Variants in RASGRF2 observed in about 807,000 individuals in gnomAD.
The protein encoded by RASGRF2 is Ras protein specific guanine nucleotide releasing factor 2.
A neutral mutation model predicts 151.0 loss-of-function variants in RASGRF2; 76 were observed. The observed-to-expected ratio is 0.50, with a 90% CI of 0.42 to 0.61. RASGRF2 has a LOEUF of 0.61. RASGRF2 is among the 20% of genes least tolerant of loss of function. The pLI is 0.00. For synonymous variants in RASGRF2, 504 were observed against 566.5 expected (o/e 0.89, Z 1.57); for missense variants, 1,148 against 1,564.6 (o/e 0.73, Z 4.49).
At chr5:81,116,095 T>TTTTTTG (rs1561214535) in intron 15 of RASGRF2, among the ~76,000 whole-genome samples, 2 of 122,212 alleles carry the variant, frequency 1.6e-5, no homozygotes, top group Non-Finnish European at 3.3e-5. Flanking sequence ...TTTTTTTTTT[T>TTTTTTG]TTTTTGAGAT....
intron 1 of RASGRF2, among the ~76,000 whole-genome samples, chr5:80,992,543 C>T (rs770598266): frequency 6.6e-6 from 1 of 152,104 alleles, no homozygotes; most frequent in Non-Finnish European, 1.5e-5. Context: ...AGGGAAGAAA[C>T]TCTCTGACAA....
chr5:81,035,532 A>G (rs1400792755), intron 1 of RASGRF2, among the ~76,000 whole-genome samples: 1 of 152,130 alleles, frequency 6.6e-6, no homozygotes, highest in African/African-American at 2.4e-5. Flanking sequence ...TAATGGGTGC[A>G]GCACACCAAC....
At chr5:81,183,973 G>A (rs1754972651) in intron 18 of RASGRF2, among the ~76,000 whole-genome samples, 1 of 152,224 alleles carries the variant, frequency 6.6e-6, no homozygotes, top group Non-Finnish European at 1.5e-5. Flanking sequence ...CAGCCTGTAA[G>A]CTCCTTGCTT....
chr5:81,168,309 C>CTCT (rs368713812), intron 17 of RASGRF2, among the ~76,000 whole-genome samples: 3,430 of 115,956 alleles, frequency 0.03, 97 homozygotes, highest in African/African-American at 0.067. Context: ...TTTTTCTTCT[C>CTCT]TTTTTTTTTT....
At chr5:81,101,006 G>A (rs1040319776) in intron 12 of RASGRF2, among the ~76,000 whole-genome samples, 10 of 152,260 alleles carry the variant, frequency 6.6e-5, no homozygotes, top group Admixed American at 4.6e-4. Flanking sequence ...CTTGTCCAAA[G>A]ACCAGCTGCT....
intron 1 of RASGRF2, among the ~76,000 whole-genome samples, chr5:80,967,074 T>TA (rs1252950029): frequency 7.2e-5 from 11 of 152,122 alleles, no homozygotes; most frequent in South Asian, 2.1e-4. Flanking sequence ...TAAAATGATG[T>TA]AAAAAAAGCA....
At chr5:81,149,566 C>T (rs574061953) in intron 17 of RASGRF2, among the ~76,000 whole-genome samples, 24 of 152,050 alleles carry the variant, frequency 1.6e-4, no homozygotes, top group Non-Finnish European at 2.8e-4. Flanking sequence ...TCTCAGAAAT[C>T]ACCACTAAAT....
At chr5:80,968,159 T>C (rs1747782442) in intron 1 of RASGRF2, among the ~76,000 whole-genome samples, 1 of 152,274 alleles carries the variant, frequency 6.6e-6, no homozygotes, top group Non-Finnish European at 1.5e-5. Context: ...AGCTAGCATT[T>C]TTATTACTCT....
intron 17 of RASGRF2, among the ~76,000 whole-genome samples, chr5:81,151,940 G>A (rs1391227952): frequency 1.2e-4 from 18 of 152,064 alleles, no homozygotes; most frequent in Admixed American, 1.1e-3. Context: ...TTGCAGTACT[G>A]GGTTTTTCCA....
intron 17 of RASGRF2, among the ~76,000 whole-genome samples, chr5:81,128,999 C>T (rs958236616): frequency 6.6e-5 from 10 of 151,944 alleles, no homozygotes; most frequent in African/African-American, 1.4e-4. Flanking sequence ...ATCAGCTGGG[C>T]GTGGTGGCGC....
chr5:81,221,984 C>G (rs1463771978), intron 26 of RASGRF2, among the ~76,000 whole-genome samples: 1 of 152,190 alleles, frequency 6.6e-6, no homozygotes. Flanking sequence ...GAGCAACACG[C>G]TGACTCTGGA....
intron 25 of RASGRF2, 103 bp downstream of exon 25, chr5:81,217,576 T>TTCC: frequency 2.5e-6 from 1 of 401,508 alleles, no homozygotes; most frequent in South Asian, 6.4e-5. Context: ...TTTCTCTTCT[T>TTCC]TTTTTTTTTT....
Position 81,208,714 on chromosome 5 carries a change from G to C in RASGRF2, c.3156+276G>C, listed in dbSNP as rs369394267. Among the ~76,000 whole-genome samples the C allele has an allele frequency of 3.4e-4, 52 of 152,012 alleles. No individual in the cohort carries two copies. The East Asian group carries it at 7.6e-3, about 22-fold the overall frequency. ...TTACAGGTGCATGCCATCATGCCTGGCTAATATTTTTGTATTTTTAGTAAA... is the reference window on the plus strand; with the variant it reads ...TTACAGGTGCATGCCATCATGCCTGCCTAATATTTTTGTATTTTTAGTAAA... On this transcript the variant is annotated intron_variant, in intron 22 of 26. Coordinates refer to ENST00000265080, the MANE Select transcript of RASGRF2 (RefSeq NM_006909.3).
At chr5:81,117,554 A>C (rs1753193556) in intron 15 of RASGRF2, among the ~76,000 whole-genome samples, 1 of 152,192 alleles carries the variant, frequency 6.6e-6, no homozygotes, top group Non-Finnish European at 1.5e-5. Flanking sequence ...AGTTTTTAAC[A>C]TGGGAACTTT....
intron 12 of RASGRF2, among the ~76,000 whole-genome samples, chr5:81,103,852 G>T (rs1173905140): frequency 6.6e-6 from 1 of 152,040 alleles, no homozygotes; most frequent in African/African-American, 2.4e-5. Context: ...TAAATAAACT[G>T]TAATTTATGT....
Position 81,092,803 on chromosome 5 carries a change from T to G in RASGRF2, c.1393T>G (p.Ser465Ala). ...DTSQTFIRQG[S>A]LIQVPSVERG... is the part of the protein sequence containing the mutation. ...TTCTTCATTTTTGTAATCACCAGGT[T>G]CTCTTATTCAAGTACCTTCCGTTGA... The change falls in exon 10 of 27, where the codon TCT becomes GCT. Residue 465 changes from serine (S) to alanine (A), a missense_variant and splice_region_variant. Around this residue, in one of 5 missense-constraint regions of RASGRF2, gnomAD observed 646 missense variants for 807.4 expected, o/e 0.80. Coordinates refer to ENST00000265080, the MANE Select transcript of RASGRF2 (RefSeq NM_006909.3). The G allele has an allele frequency of 6.2e-7, 1 of 1,610,138 alleles. No individual in the cohort carries two copies. Among genetic ancestry groups the G allele is most frequent in the South Asian group, 1.1e-5 (1 of 90,288 alleles).
chr5:81,097,319 G>A (rs1208592535), intron 12 of RASGRF2, among the ~76,000 whole-genome samples: 1 of 152,034 alleles, frequency 6.6e-6, no homozygotes, highest in Non-Finnish European at 1.5e-5. Context: ...GCATTTTGTG[G>A]CTTTGACATT....
intron 2 of RASGRF2, among the ~76,000 whole-genome samples, chr5:81,066,341 G>A (rs1324348256): frequency 6.6e-6 from 1 of 151,708 alleles, no homozygotes; most frequent in Non-Finnish European, 1.5e-5. Context: ...CAACACGCAC[G>A]ATACAGGTGC....
Position 81,153,491 on chromosome 5 carries a change from G to T in RASGRF2, c.2686+26328G>T, listed in dbSNP as rs72771133. On this transcript the variant is annotated intron_variant, in intron 17 of 26. Coordinates refer to ENST00000265080, the MANE Select transcript of RASGRF2 (RefSeq NM_006909.3). ...TAGAAGCTGGAAAAAGCAAGAAAAT[G>T]GATTCTGTCTTAGAGTGTCCTGAAA... Among the ~76,000 whole-genome samples, 734 of 152,266 alleles carry T rather than the reference G, an allele frequency of 4.8e-3. 2 individuals are homozygous for T. The highest frequency in any genetic ancestry group is 0.017 in the Middle Eastern group (5 of 294).
Sources: allele counts gnomAD v4.1 joint callset (sites outside exome capture counted in the v4.1 genomes callset), GRCh38; gene constraint gnomAD v4.1.1; regional missense constraint gnomAD v4.1.1; transcripts MANE v1.5; gene names NCBI Gene and HGNC (gene_info 2026-07-23, HGNC 2026-07-21).